Variants in INPP5B observed in about 807,000 individuals in gnomAD.
The protein encoded by INPP5B is inositol polyphosphate-5-phosphatase B.
A neutral mutation model predicts 118.5 loss-of-function variants in INPP5B; 90 were observed. The ratio of observed to expected loss-of-function variants is 0.76; its 90% CI spans 0.64 to 0.90. INPP5B has a LOEUF of 0.90. Among genes scored for constraint, INPP5B ranks in the 40% least tolerant of loss-of-function variants. The pLI is 0.00. For missense variants in INPP5B, 984 were observed against 1,125.6 expected, an observed-to-expected ratio of 0.87 and a Z score of 1.80; for synonymous variants, 385 against 418.9, an observed-to-expected ratio of 0.92 and a Z score of 0.99.
At chr1:37,903,239 C>T (rs1644392907) in intron 7 of INPP5B, among the ~76,000 whole-genome samples, 1 of 152,078 alleles carries the variant, frequency 6.6e-6, no homozygotes, top group African/African-American at 2.4e-5. Context: ...AAACAGGCTG[C>T]AGTAAAGACG....
chr1:37,884,510 C>T (rs1202016610), intron 13 of INPP5B, among the ~76,000 whole-genome samples: 4 of 151,954 alleles, frequency 2.6e-5, no homozygotes, highest in Non-Finnish European at 4.4e-5. Context: ...CTTGAACTCC[C>T]GGGCTCAATC....
intron 15 of INPP5B, 57 bp downstream of exon 15, chr1:37,880,028 T>C: frequency 8.6e-7 from 1 of 1,160,412 alleles, no homozygotes; most frequent in South Asian, 1.3e-5. Context: ...GGGCAAGTAC[T>C]TCCCAGAATT....
chr1:37,864,498 T>C, intron 22 of INPP5B, 75 bp from the exon 23 acceptor site: 1 of 828,250 alleles, frequency 1.2e-6, no homozygotes, highest in Non-Finnish European at 2.0e-6. Context: ...GTCCAAGAAC[T>C]GTATACACGA....
At chr1:37,935,070 G>A (rs1440575387) in intron 6 of INPP5B, among the ~76,000 whole-genome samples, 6 of 150,080 alleles carry the variant, frequency 4.0e-5, no homozygotes, top group African/African-American at 7.3e-5. Flanking sequence ...GCGTGCTGGC[G>A]GGCGCCTGTA....
intron 7 of INPP5B, among the ~76,000 whole-genome samples, chr1:37,904,796 G>A (rs1480125476): frequency 1.3e-5 from 2 of 151,678 alleles, no homozygotes; most frequent in African/African-American, 2.4e-5. Context: ...AGAATAGCTC[G>A]AACCCAGGAG....
intron 14 of INPP5B, 32 bp from the exon 15 acceptor site, chr1:37,880,226 C>A: frequency 1.3e-6 from 2 of 1,492,926 alleles, no homozygotes; most frequent in South Asian, 2.3e-5. Context: ...AAAAAAATAT[C>A]AGAATAAAAA....
intron 7 of INPP5B, among the ~76,000 whole-genome samples, chr1:37,900,318 G>A (rs565731939): frequency 2.5e-4 from 38 of 150,428 alleles, no homozygotes; most frequent in Non-Finnish European, 3.7e-4. Context: ...GCAATGGTGC[G>A]ATCTCAACTC....
chr1:37,875,158 C>T (rs1193172379), intron 17 of INPP5B, among the ~76,000 whole-genome samples: 2 of 152,190 alleles, frequency 1.3e-5, no homozygotes, highest in African/African-American at 2.4e-5. Flanking sequence ...CTCACTTTAT[C>T]GAAAAGCAGT....
At chr1:37,876,715 A>C (rs548918258) in intron 16 of INPP5B, among the ~76,000 whole-genome samples, 19 of 148,896 alleles carry the variant, frequency 1.3e-4, no homozygotes, top group Admixed American at 6.0e-4. Context: ...AAAAAAAAAA[A>C]AAAAAAAACC....
At chr1:37,894,292 C>T (rs2148532423) in intron 7 of INPP5B, among the ~76,000 whole-genome samples, 1 of 152,154 alleles carries the variant, frequency 6.6e-6, no homozygotes, top group East Asian at 1.9e-4. Flanking sequence ...CTTCTCTAAC[C>T]TCTCCTAGGC....
chr1:37,891,227 C>CAAAAAA, intron 8 of INPP5B, 131 bp downstream of exon 8: 1 of 430,174 alleles, frequency 2.3e-6, no homozygotes, highest in Non-Finnish European at 4.2e-6. Flanking sequence ...AACTCTGTCT[C>CAAAAAA]AAAAAAAAAA....
intron 7 of INPP5B, among the ~76,000 whole-genome samples, chr1:37,927,611 A>C (rs1387682511): frequency 5.4e-5 from 8 of 148,178 alleles, no homozygotes; most frequent in Non-Finnish European, 1.0e-4. Context: ...ATCTCAGCTC[A>C]CTGCAAGCTC....
intron 6 of INPP5B, among the ~76,000 whole-genome samples, chr1:37,936,978 A>G (rs1023765433): frequency 2.0e-5 from 3 of 152,014 alleles, no homozygotes; most frequent in African/African-American, 7.2e-5. Context: ...TATGAAATGG[A>G]CACATCGATA....
At chr1:37,925,544 A>G (rs1167542685) in intron 7 of INPP5B, among the ~76,000 whole-genome samples, 1 of 152,238 alleles carries the variant, frequency 6.6e-6, no homozygotes, top group East Asian at 1.9e-4. Context: ...GGCTAACAGT[A>G]TATTTTAAGT....
At chr1:37,887,319 T>A (rs369271459) in intron 11 of INPP5B, 32 bp downstream of exon 11, 1 of 1,271,638 alleles carries the variant, frequency 7.9e-7, no homozygotes, top group Non-Finnish European at 1.1e-6. Context: ...CATGGCAACA[T>A]AAAATTAAGA....
intron 7 of INPP5B, among the ~76,000 whole-genome samples, chr1:37,896,438 C>A (rs1384206606): frequency 3.3e-5 from 5 of 150,900 alleles, no homozygotes; most frequent in African/African-American, 9.7e-5. Flanking sequence ...GTCAGCCCCC[C>A]GCCCGGCCAG....
chr1:37,887,890 C>T (rs1162410861), intron 10 of INPP5B, among the ~76,000 whole-genome samples: 1 of 151,820 alleles, frequency 6.6e-6, no homozygotes, highest in Non-Finnish European at 1.5e-5. Context: ...ACTGATGGGA[C>T]TTTCTTCAGC....
rs781303898 is a variant in INPP5B, at chr1:37,865,843, T to C, written c.2432A>G (p.Glu811Gly). The C allele has an allele frequency of 1.4e-5, 23 of 1,613,776 alleles. No individual in the cohort carries two copies. In the East Asian group the frequency reaches 5.1e-4, roughly 36 times the overall value. ...ACAGATGACAGGCTCTGGAAGGCTC[T>C]CCAGGAAAAGCAGCAGGGCTTCGGC... The part of the protein sequence containing the change: ...SVAEALLLFL[E>G]SLPEPVICYS... Residue 811 changes from glutamate to glycine, a missense_variant, in exon 22 of 24, where the codon GAG becomes GGG. Glu to Gly is a moderately conservative substitution (Grantham distance 98, BLOSUM62 -2). This residue lies in a region of INPP5B where 634 missense variants were observed against 791.0 expected (regional missense o/e 0.80). Transcript: ENST00000373024.
chr1:37,894,963 T>A (rs995609436), intron 7 of INPP5B, among the ~76,000 whole-genome samples: 2 of 152,194 alleles, frequency 1.3e-5, no homozygotes, highest in African/African-American at 4.8e-5. Context: ...AAAGGAGAAC[T>A]AGAATGGGTT....
Sources: gnomAD v4.1 joint callset for allele counts (sites outside exome capture counted in the v4.1 genomes callset) on GRCh38, gnomAD v4.1.1 for gene constraint, gnomAD v4.1.1 regional missense constraint, MANE v1.5 for transcripts, NCBI Gene and HGNC (gene_info 2026-07-23, HGNC 2026-07-21) for gene names.